WDR24: variants seen among roughly 807,000 people sequenced by gnomAD.
The protein encoded by WDR24 is WD repeat domain 24.
A neutral mutation model predicts 66.7 loss-of-function variants in WDR24; 32 were observed. The ratio of observed to expected loss-of-function variants is 0.48; its 90% CI spans 0.36 to 0.64. The LOEUF (loss-of-function observed/expected upper bound fraction) is 0.64, where lower values mean the gene tolerates loss of function less well. Ranked by LOEUF, WDR24 falls within the 30% of genes least tolerant of loss-of-function variation. The pLI is 0.00. For missense variants in WDR24, 978 were observed against 1,144.1 expected (o/e 0.85, Z 2.09); for synonymous variants, 565 against 469.1 (o/e 1.20, Z -2.64).
rs767158640 is a variant in WDR24 at position 684,877 on chromosome 16, C to T, written c.2230G>A (p.Ala744Thr). 91 of 1,530,016 alleles carry T rather than the reference C, an allele frequency of 5.9e-5. No homozygotes were observed. In the South Asian group the frequency reaches 9.7e-4, roughly 16 times the overall value. 94.8% of individuals were successfully genotyped at this position (1,530,016 alleles called of 1,614,324 possible). ...CCCTTGACTACGTGGTGGCAGACGG[C>T]ACACATGCTGGCGCAGCGGTGGCAC... ...DRCHRCASMC[A>T]VCHHVVKGLF... is the part of the protein sequence containing the mutation. The change falls in exon 9 of 9, where the codon GCC (alanine) becomes ACC (threonine). Residue 744 changes from alanine to threonine, a missense_variant. This residue lies in a region of WDR24 where 676 missense variants were observed against 617.5 expected (regional missense o/e 1.09). Transcript: ENST00000293883.
chr16:687,902 A>G, intron 1 of WDR24, 163 bp from the exon 2 acceptor site: 1 of 932,338 alleles, frequency 1.1e-6, no homozygotes, highest in South Asian at 1.4e-5. Flanking sequence ...GCAGCCACAC[A>G]GAGTCGCCAC....
At chr16:688,435 G>A (rs181246307) in intron 1 of WDR24, among the ~76,000 whole-genome samples, 3 of 152,238 alleles carry the variant, frequency 2.0e-5, no homozygotes, top group Admixed American at 6.5e-5. Flanking sequence ...TTACAGGCGC[G>A]TGCCACTGCG....
At position 687,076 on chromosome 16, in the gene WDR24, G is replaced by T; in HGVS notation, c.1000C>A (p.Pro334Thr). ...CQHLFRDASQPVERANPEGLC... is the reference protein window; with the variant it reads ...CQHLFRDASQTVERANPEGLC... ...CCCTCAGGGTTGGCGCGCTCGACGG[G>T]CTGGCTGGCGTCGCGGAACAGGTGC... Residue 334 changes from proline (P) to threonine (T), a missense_variant, in exon 3 of 9, where the codon CCC (proline) becomes ACC (threonine). By Grantham distance (38) the Pro-to-Thr change is conservative. Transcript: ENST00000293883. The T allele has an allele frequency of 1.9e-6, 3 of 1,606,722 alleles. No individual in the cohort carries two copies. Among genetic ancestry groups the T allele is most frequent in the Non-Finnish European group, 1.7e-6 (2 of 1,179,122 alleles).
At chr16:687,521 G>C in intron 2 of WDR24, 41 bp downstream of exon 2, 1 of 1,603,224 alleles carries the variant, frequency 6.2e-7, no homozygotes. Flanking sequence ...GGCAGTGAGA[G>C]CTTACTGTCA....
In WDR24 at chr16:684,764, T is replaced by C; in HGVS notation, c.2343A>G (p.Ala781=). 6.2e-7 allele frequency: 1 copy of C among 1,600,454 alleles called. No individual in the cohort carries two copies. Among genetic ancestry groups the C allele is most frequent in the East Asian group, 2.3e-5 (1 of 43,966 alleles). Residue 781 remains alanine, a synonymous_variant, in exon 9 of 9, where the codon GCA becomes GCG. Coordinates refer to ENST00000293883, the MANE Select transcript of WDR24 (RefSeq NM_032259.4). ...AGTACTCGCAGAGGTGGCCGCAGCCTGCGGGACAGTGGGAGCTGCCTTCCA... is the reference window on the plus strand; with the variant it reads ...AGTACTCGCAGAGGTGGCCGCAGCCCGCGGGACAGTGGGAGCTGCCTTCCA... ...KWLEGSSHCP[A]GCGHLCEYS
At position 684,862 on chromosome 16, in the gene WDR24, C is replaced by T; in HGVS notation, c.2245G>A (p.Val749Ile). 1 of 1,281,136 alleles carries T rather than the reference C, an allele frequency of 7.8e-7. No individual in the cohort carries two copies. The highest frequency in any genetic ancestry group is 1.0e-6 in the Non-Finnish European group (1 of 980,166). The allele number at this position is 1,281,136 out of a possible 1,614,324, so 79.4% of individuals were successfully genotyped here. A position where few individuals can be genotyped will look rare whatever the true frequency, so the allele number is the denominator to read the frequency against. The part of the protein sequence containing the change: ...CASMCAVCHH[V>I]VKGLFVWCQG... ...CACCACACGAAGAGACCCTTGACTACGTGGTGGCAGACGGCACACATGCTG... is the reference window on the plus strand; with the variant it reads ...CACCACACGAAGAGACCCTTGACTATGTGGTGGCAGACGGCACACATGCTG... Residue 749 changes from valine (V) to isoleucine (I), a missense_variant, in exon 9 of 9, where the codon GTA becomes ATA. Physicochemically the swap from Val to Ile is conservative, Grantham distance 29 (BLOSUM62 3). This residue lies in a region of WDR24 where 676 missense variants were observed against 617.5 expected (regional missense o/e 1.09). Transcript: ENST00000293883.
At position 685,558 on chromosome 16, in the gene WDR24, G is replaced by T; in HGVS notation, c.1718C>A (p.Pro573Gln). The T allele has an allele frequency of 6.3e-7, 1 of 1,587,494 alleles. No individual in the cohort carries two copies. The highest frequency in any genetic ancestry group is 8.6e-7 in the Non-Finnish European group (1 of 1,165,396). ...CGTGTCCACGATCTCGTGGCGCAGCGGAAAGGCCTCCTGCGGCAGCACGCA... is the reference window on the plus strand; with the variant it reads ...CGTGTCCACGATCTCGTGGCGCAGCTGAAAGGCCTCCTGCGGCAGCACGCA... ...PECVLPQEAF[P>Q]LRHEIVDTPP... is the part of the protein sequence containing the mutation. The change falls in exon 7 of 9, where the codon CCG becomes CAG. Residue 573 changes from proline to glutamine, a missense_variant. Around this residue, in one of 2 missense-constraint regions of WDR24, gnomAD observed 676 missense variants for 617.5 expected, o/e 1.09. Coordinates refer to ENST00000293883, the MANE Select transcript of WDR24 (RefSeq NM_032259.4).
intron 1 of WDR24, chr16:688,051 G>A (rs1282663252): frequency 5.6e-6 from 3 of 537,854 alleles, no homozygotes; most frequent in Non-Finnish European, 1.1e-5. Context: ...GCTGAGCACT[G>A]GGAGAATAGG....
At chr16:687,850 C>T in intron 1 of WDR24, 111 bp from the exon 2 acceptor site, 2 of 1,406,440 alleles carry the variant, frequency 1.4e-6, no homozygotes, top group Non-Finnish European at 2.0e-6. Context: ...AGAACAGAGG[C>T]CCAGAGGGTA....
At chr16:687,502 T>C in intron 2 of WDR24, 60 bp downstream of exon 2, 1 of 1,594,050 alleles carries the variant, frequency 6.3e-7, no homozygotes, top group Admixed American at 1.7e-5. Flanking sequence ...GACTGTCTCA[T>C]GGATCTGAGG....
At chr16:687,964 C>T (rs772156973) in intron 1 of WDR24, 211 of 690,896 alleles carry the variant, frequency 3.1e-4, no homozygotes, top group Non-Finnish European at 5.0e-4. Context: ...CACATACTCC[C>T]GGGCGTCATT....
At position 690,097 on chromosome 16, in the gene WDR24, CAA is replaced by C. The variant is rs1485151904; in HGVS notation, c.-459_-458del. The C allele has an allele frequency of 2.2e-6, 1 of 460,860 alleles. No homozygotes were observed. The highest frequency in any genetic ancestry group is 4.3e-6 in the Non-Finnish European group (1 of 230,260). 28.5% of individuals were successfully genotyped at this position (460,860 alleles called of 1,614,324 possible). A position where few individuals can be genotyped will look rare whatever the true frequency, so the allele number is the denominator to read the frequency against. On this transcript the variant is annotated 5_prime_UTR_variant, in exon 1 of 9. Coordinates refer to ENST00000293883, the MANE Select transcript of WDR24 (RefSeq NM_032259.4). ...AGGGCGGCGGGGCTCTAGGGAGGAA[CAA>C]AAGAGGGGAGGGAACAGAGGGCTAG...
chr16:689,332 G>A lies in WDR24; in HGVS notation c.309C>T (p.Asn103=). 1 of 1,613,788 alleles carries A rather than the reference G, an allele frequency of 6.2e-7. No individual in the cohort carries two copies. Among genetic ancestry groups the A allele is most frequent in the Non-Finnish European group, 8.5e-7 (1 of 1,180,018 alleles). The change falls in exon 1 of 9, where the codon AAC becomes AAT. Residue 103 remains asparagine, a synonymous_variant. Coordinates refer to ENST00000293883, the MANE Select transcript of WDR24 (RefSeq NM_032259.4). The part of the protein sequence containing the change: ...AATNGVVVTW[N]LGRPSRNKQD... Reference sequence around the variant, plus strand: ...GCTTGTTGCGGGATGGCCGGCCCAGGTTCCACGTGACCACCACGCCATTGG... The same window carrying A: ...GCTTGTTGCGGGATGGCCGGCCCAGATTCCACGTGACCACCACGCCATTGG...
At chr16:688,924 T>A in intron 1 of WDR24, 1 of 618,932 alleles carries the variant, frequency 1.6e-6, no homozygotes, top group Non-Finnish European at 2.7e-6. Context: ...ACCCCACACC[T>A]AGCCTCAATT....
At position 689,565 on chromosome 16, in the gene WDR24, C is replaced by G. The variant is rs2039944451; in HGVS notation, c.76G>C (p.Asp26His). Reference sequence around the variant, plus strand: ...ACACTGATGGCATTGGCGGGAGCATCCAGGTGGCAGTGCATGGTGCGGCCT... The same window carrying G: ...ACACTGATGGCATTGGCGGGAGCATGCAGGTGGCAGTGCATGGTGCGGCCT... ...LTGRTMHCHL[D>H]APANAISVCR... is the part of the protein sequence containing the mutation. Residue 26 changes from aspartate to histidine, a missense_variant, in exon 1 of 9, where the codon GAT (aspartate) becomes CAT (histidine). Physicochemically the swap from Asp to His is moderately conservative, Grantham distance 81. This residue lies in a region of WDR24 where 302 missense variants were observed against 526.6 expected (regional missense o/e 0.57). Coordinates refer to ENST00000293883, the MANE Select transcript of WDR24 (RefSeq NM_032259.4). The G allele has an allele frequency of 2.5e-6, 4 of 1,612,914 alleles. No homozygotes were observed. Among genetic ancestry groups the G allele is most frequent in the Non-Finnish European group, 3.4e-6 (4 of 1,180,036 alleles).
At position 685,803 on chromosome 16, in the gene WDR24, G is replaced by A. The variant is rs2039893556; in HGVS notation, c.1574-20C>T. On this transcript the variant is annotated intron_variant, in intron 5 of 8. Transcript: ENST00000293883. ...CGTTATCTGCCCGACAATGGGGCGG[G>A]CATTCAGGGTCGTCTGGGACACCCC... 2.5e-6 allele frequency: 4 copies of A among 1,613,118 alleles called. No individual in the cohort carries two copies. The highest frequency in any genetic ancestry group is 3.4e-6 in the Non-Finnish European group (4 of 1,179,990).
rs2039946814 is a variant in WDR24, at chr16:689,852, C to G, written c.-212G>C. 1 of 800,446 alleles carries G rather than the reference C, an allele frequency of 1.2e-6. No homozygotes were observed. Among genetic ancestry groups the G allele is most frequent in the Non-Finnish European group, 2.1e-6 (1 of 477,324 alleles). The allele number at this position is 800,446 out of a possible 1,614,324, so 49.6% of individuals were successfully genotyped here. A position where few individuals can be genotyped will look rare whatever the true frequency, so the allele number is the denominator to read the frequency against. ...CTCAAATTCACTGGAGTCTGTCAGTCCAGCCCATCACCCTGGCTGAGCGGT... is the reference window on the plus strand; with the variant it reads ...CTCAAATTCACTGGAGTCTGTCAGTGCAGCCCATCACCCTGGCTGAGCGGT... On this transcript the variant is annotated 5_prime_UTR_variant, in exon 1 of 9. Coordinates refer to ENST00000293883, the MANE Select transcript of WDR24 (RefSeq NM_032259.4).
At chr16:686,398 C>G (rs956283611) in intron 3 of WDR24, among the ~76,000 whole-genome samples, 1 of 152,218 alleles carries the variant, frequency 6.6e-6, no homozygotes, top group Admixed American at 6.5e-5. Context: ...CAGAATTGGG[C>G]AGTGGGGACT....
chr16:685,640 T>C (rs1183232330), intron 6 of WDR24, 39 bp downstream of exon 6: 1 of 1,611,158 alleles, frequency 6.2e-7, no homozygotes, highest in East Asian at 2.2e-5. Flanking sequence ...CTGTCCTCCA[T>C]CCGCCTCTGA....
Sources: allele counts gnomAD v4.1 joint callset (sites outside exome capture counted in the v4.1 genomes callset), GRCh38; gene constraint gnomAD v4.1.1; regional missense constraint gnomAD v4.1.1; transcripts MANE v1.5; gene names NCBI Gene and HGNC (gene_info 2026-07-23, HGNC 2026-07-21).